Variants in LRRTM4 observed in about 807,000 individuals in gnomAD.
LRRTM4 encodes the protein leucine-rich repeat transmembrane neuronal protein 4.
Under a neutral mutation model 47.6 loss-of-function variants are expected in LRRTM4, and 25 were observed. The observed-to-expected ratio is 0.53, with a 90% CI of 0.38 to 0.73. LRRTM4 has a LOEUF of 0.73. Ranked by LOEUF, LRRTM4 falls within the 30% of genes least tolerant of loss-of-function variation. LRRTM4 has a pLI of 0.00. For missense variants in LRRTM4, 638 were observed against 713.4 expected (o/e 0.89, Z 1.20); for synonymous variants, 311 against 269.5 (o/e 1.15, Z -1.51).
intron 3 of LRRTM4, among the ~76,000 whole-genome samples, chr2:77,487,341 C>T (rs1386655901): frequency 6.6e-6 from 1 of 152,220 alleles, no homozygotes; most frequent in African/African-American, 2.4e-5. Flanking sequence ...TGGCTTCTCC[C>T]GACTCCCAGT....
intron 3 of LRRTM4, among the ~76,000 whole-genome samples, chr2:77,027,024 C>G (rs1678477716): frequency 6.6e-6 from 1 of 152,086 alleles, no homozygotes; most frequent in Non-Finnish European, 1.5e-5. Context: ...CTACATTGGT[C>G]TTTTGACACC....
rs566948710 is a variant in LRRTM4 at position 76,846,297 on chromosome 2, G to A, written c.1552-97381C>T. The stretch of plus-strand genomic sequence containing the variant: ...CCTGCACTTGCACCTGAGAATAACC[G>A]CCTTAGAAGGTGCCCCAGGTGTCCT... On this transcript the variant is annotated intron_variant, in intron 3 of 3. Transcript: ENST00000409884. Among the ~76,000 whole-genome samples the A allele has an allele frequency of 1.8e-4, 28 of 152,184 alleles. No homozygotes were observed. The East Asian group carries it at 3.5e-3, about 19-fold the overall frequency.
chr2:76,997,982 T>C (rs10198223), intron 3 of LRRTM4, among the ~76,000 whole-genome samples: 33,640 of 151,904 alleles, frequency 0.22, 4,053 homozygotes, highest in African/African-American at 0.32. Context: ...CACCCCAAGA[T>C]GGGACTGTCT....
intron 3 of LRRTM4, among the ~76,000 whole-genome samples, chr2:76,798,828 C>T (rs192176402): frequency 0.025 from 3,733 of 152,126 alleles, 74 homozygotes; most frequent in Middle Eastern, 0.037. Flanking sequence ...AACACCTCTA[C>T]GCAAATAAAC....
At chr2:76,911,809 CAG>C (rs1207696084) in intron 3 of LRRTM4, among the ~76,000 whole-genome samples, 1 of 151,610 alleles carries the variant, frequency 6.6e-6, no homozygotes, top group Non-Finnish European at 1.5e-5. Context: ...ACAATGAAAA[CAG>C]TGATTTGTGT....
chr2:76,864,891 G>GT (rs11347923), intron 3 of LRRTM4, among the ~76,000 whole-genome samples: 294 of 138,524 alleles, frequency 2.1e-3, no homozygotes, highest in Admixed American at 3.1e-3. Flanking sequence ...CACTTCAGCT[G>GT]TTTTTTTTTT....
At chr2:77,098,879 AT>A (rs1365960868) in intron 3 of LRRTM4, among the ~76,000 whole-genome samples, 2 of 152,040 alleles carry the variant, frequency 1.3e-5, no homozygotes, top group African/African-American at 4.8e-5. Flanking sequence ...AAAAGGAAAA[AT>A]ATTTAAGTCC....
At chr2:76,939,913 T>C (rs1401442744) in intron 3 of LRRTM4, among the ~76,000 whole-genome samples, 1 of 152,184 alleles carries the variant, frequency 6.6e-6, no homozygotes, top group African/African-American at 2.4e-5. Flanking sequence ...CAAATGAATA[T>C]GTTACTGACA....
At position 76,748,908 on chromosome 2, in the gene LRRTM4, G is replaced by C; in HGVS notation, c.1560C>G (p.His520Gln). Residue 520 changes from histidine (H) to glutamine (Q), a missense_variant, in exon 4 of 4, where the codon CAC becomes CAG. His to Gln is a conservative substitution (Grantham distance 24). Coordinates refer to ENST00000409884, the MANE Select transcript of LRRTM4 (RefSeq NM_001134745.3). Reference sequence around the variant, plus strand: ...TGTAATATGGCAAGGGCTTCATGTGGTGTGGCATCTGGATATGAGAAATAG... The same window carrying C: ...TGTAATATGGCAAGGGCTTCATGTGCTGTGGCATCTGGATATGAGAAATAG... Reference protein sequence around the residue: ...ISGSRECEMPHHMKPLPYYSY... With the variant: ...ISGSRECEMPQHMKPLPYYSY... 1.9e-6 allele frequency: 3 copies of C among 1,613,862 alleles called. No individual in the cohort carries two copies. The highest frequency in any genetic ancestry group is 2.5e-6 in the Non-Finnish European group (3 of 1,179,770).
intron 3 of LRRTM4, among the ~76,000 whole-genome samples, chr2:76,938,456 A>G (rs1573340469): frequency 6.6e-6 from 1 of 152,192 alleles, no homozygotes; most frequent in Non-Finnish European, 1.5e-5. Context: ...GATGAATTGC[A>G]TAATTTCATT....
intron 3 of LRRTM4, among the ~76,000 whole-genome samples, chr2:76,952,257 G>T (rs1675522613): frequency 6.6e-6 from 1 of 151,944 alleles, no homozygotes; most frequent in Admixed American, 6.6e-5. Flanking sequence ...AGAATAATCA[G>T]ATGGCCTGCA....
intron 3 of LRRTM4, among the ~76,000 whole-genome samples, chr2:76,948,204 C>G (rs990292542): frequency 1.3e-5 from 2 of 151,792 alleles, no homozygotes; most frequent in African/African-American, 4.8e-5. Context: ...CTTTCTCCCA[C>G]AGTATTTGTT....
At chr2:77,189,580 TG>T (rs947025611) in intron 3 of LRRTM4, among the ~76,000 whole-genome samples, 1 of 152,048 alleles carries the variant, frequency 6.6e-6, no homozygotes, top group Non-Finnish European at 1.5e-5. Flanking sequence ...TTTGAGGAGC[TG>T]GAAATCTGCC....
intron 3 of LRRTM4, among the ~76,000 whole-genome samples, chr2:77,007,571 G>A (rs1677702639): frequency 1.3e-5 from 2 of 152,134 alleles, no homozygotes; most frequent in Non-Finnish European, 2.9e-5. Context: ...ATCTGCCATA[G>A]TGCTTTTGCT....
chr2:77,249,502 CTT>C (rs1675544751), intron 3 of LRRTM4, among the ~76,000 whole-genome samples: 1 of 149,016 alleles, frequency 6.7e-6, no homozygotes, highest in South Asian at 2.2e-4. Context: ...AAAAAAAACT[CTT>C]AGATATCAAC....
chr2:77,176,027 G>T (rs1374115998), intron 3 of LRRTM4, among the ~76,000 whole-genome samples: 1 of 150,484 alleles, frequency 6.6e-6, no homozygotes, highest in Admixed American at 6.6e-5. Context: ...ATGTGAACAA[G>T]TTTCTATTTG....
chr2:77,162,719 T>G (rs1672765570), intron 3 of LRRTM4, among the ~76,000 whole-genome samples: 1 of 151,894 alleles, frequency 6.6e-6, no homozygotes, highest in African/African-American at 2.4e-5. Context: ...GGGTCTGGAG[T>G]GGACCTCCAG....
At chr2:77,163,120 G>C (rs1488933498) in intron 3 of LRRTM4, among the ~76,000 whole-genome samples, 2 of 152,132 alleles carry the variant, frequency 1.3e-5, no homozygotes, top group Admixed American at 1.3e-4. Context: ...AAACAGCATA[G>C]AGAAGACCTT....
chr2:77,195,447 C>T (rs1421283689), intron 3 of LRRTM4, among the ~76,000 whole-genome samples: 1 of 151,972 alleles, frequency 6.6e-6, no homozygotes, highest in African/African-American at 2.4e-5. Flanking sequence ...ATTTAATAAA[C>T]TTTAACAAGT....
Sources: allele counts gnomAD v4.1 joint callset (sites outside exome capture counted in the v4.1 genomes callset), GRCh38; gene constraint gnomAD v4.1.1; transcripts MANE v1.5; gene names NCBI Gene and HGNC (gene_info 2026-07-23, HGNC 2026-07-21).